The following PARP4 variants were observed in gnomAD, a reference collection of about 807,000 sequenced individuals.
The protein encoded by PARP4 is poly(ADP-ribose) polymerase family member 4, also known as protein mono-ADP-ribosyltransferase PARP4.
In PARP4, 120 loss-of-function variants were observed where a neutral mutation model predicts 187.7. That is an observed-to-expected ratio of 0.64 (90% CI 0.55 to 0.74). The LOEUF is 0.74. PARP4 is among the 30% of genes least tolerant of loss of function. The pLI is 0.00. For synonymous variants in PARP4, 654 were observed against 740.9 expected (o/e 0.88, Z 1.90); for missense variants, 1,836 against 2,070.5 (o/e 0.89, Z 2.20).
At chr13:24,470,318 G>A (rs1255270655) in intron 15 of PARP4, among the ~76,000 whole-genome samples, 3 of 152,178 alleles carry the variant, frequency 2.0e-5, no homozygotes, top group African/African-American at 7.2e-5. Context: ...TAAGACAGCT[G>A]GAAAATTGCC....
intron 1 of PARP4, among the ~76,000 whole-genome samples, chr13:24,506,311 A>G (rs1869669658): frequency 6.6e-6 from 1 of 152,118 alleles, no homozygotes; most frequent in African/African-American, 2.4e-5. Context: ...GACCTCCGCG[A>G]TTTAAAGGCA....
At chr13:24,452,627 T>C in intron 23 of PARP4, 34 bp from the exon 24 acceptor site, 1 of 1,553,156 alleles carries the variant, frequency 6.4e-7, no homozygotes, top group South Asian at 1.2e-5. Context: ...TATGTTCTCC[T>C]TGTTGGATGC....
intron 21 of PARP4, among the ~76,000 whole-genome samples, chr13:24,455,498 T>C (rs1207158560): frequency 2.1e-5 from 3 of 139,948 alleles, no homozygotes; most frequent in Non-Finnish European, 3.1e-5. Context: ...TATATATATA[T>C]ATATATATCA....
At chr13:24,471,434 C>T (rs9551108) in intron 15 of PARP4, among the ~76,000 whole-genome samples, 77,392 of 151,938 alleles carry the variant, frequency 0.51, 20,023 homozygotes, top group South Asian at 0.65. Context: ...TAGATAACGA[C>T]AATAAAAGTA....
At chr13:24,475,678 G>A in intron 14 of PARP4, 82 bp from the exon 15 acceptor site, 2 of 1,295,610 alleles carry the variant, frequency 1.5e-6, no homozygotes, top group East Asian at 2.4e-5. Context: ...CCTTCTTCAA[G>A]CCTTCATGCA....
In PARP4 at chr13:24,493,592, T is replaced by C. The variant is rs928477915; in HGVS notation, c.879+4A>G. The C allele has an allele frequency of 5.6e-6, 9 of 1,597,308 alleles. No homozygotes were observed. Among genetic ancestry groups the C allele is most frequent in the Non-Finnish European group, 7.7e-6 (9 of 1,175,704 alleles). On this transcript the variant is annotated splice_donor_region_variant and intron_variant, in intron 8 of 33. Coordinates refer to ENST00000381989, the MANE Select transcript of PARP4 (RefSeq NM_006437.4). ...CATTCTGTTTCAGCGACACACCAACTTACATCGTTGAGGCTAATCCTGTTC... is the reference window on the plus strand; with the variant it reads ...CATTCTGTTTCAGCGACACACCAACCTACATCGTTGAGGCTAATCCTGTTC...
chr13:24,501,917 TAGAA>T (rs1869317229), intron 2 of PARP4, 83 bp from the exon 3 acceptor site: 1 of 843,806 alleles, frequency 1.2e-6, no homozygotes, highest in Non-Finnish European at 1.9e-6. Flanking sequence ...TTTTCACCCT[TAGAA>T]AGTATTAAGG....
intron 11 of PARP4, among the ~76,000 whole-genome samples, chr13:24,485,546 G>A (rs1169850637): frequency 6.6e-6 from 1 of 151,884 alleles, no homozygotes; most frequent in African/African-American, 2.4e-5. Flanking sequence ...TTCTTTTTAA[G>A]TTTCTTCTGA....
intron 21 of PARP4, 37 bp from the exon 22 acceptor site, chr13:24,455,249 T>C: frequency 5.4e-6 from 8 of 1,487,818 alleles, no homozygotes; most frequent in Non-Finnish European, 7.3e-6. Context: ...TGGAGCTTCT[T>C]GTCACTTCAA....
intron 4 of PARP4, 51 bp downstream of exon 4, chr13:24,500,265 A>G: frequency 9.3e-7 from 1 of 1,080,684 alleles, no homozygotes; most frequent in Non-Finnish European, 1.4e-6. Context: ...AGGTTTACAC[A>G]AGATTTTACA....
At chr13:24,429,708 T>C (rs1226223516) in intron 32 of PARP4, among the ~76,000 whole-genome samples, 1 of 152,220 alleles carries the variant, frequency 6.6e-6, no homozygotes, top group Non-Finnish European at 1.5e-5. Context: ...GCTTCCCAGC[T>C]GTTGCTTTTT....
chr13:24,425,682 A>G (rs1870016781), intron 33 of PARP4, among the ~76,000 whole-genome samples: 1 of 151,802 alleles, frequency 6.6e-6, no homozygotes, highest in South Asian at 2.1e-4. Flanking sequence ...ACAAGAGAAT[A>G]TGCCCACCCC....
At chr13:24,481,239 C>A (rs1873262942) in intron 12 of PARP4, among the ~76,000 whole-genome samples, 1 of 152,230 alleles carries the variant, frequency 6.6e-6, no homozygotes. Context: ...AAAAAAGGTT[C>A]TTTTCAAAAT....
chr13:24,454,622 A>G (rs3783080), intron 22 of PARP4, among the ~76,000 whole-genome samples: 44,717 of 152,108 alleles, frequency 0.29, 7,669 homozygotes, highest in Admixed American at 0.42. Context: ...CAACAGACCA[A>G]GGGTTTTGTA....
intron 25 of PARP4, among the ~76,000 whole-genome samples, chr13:24,448,084 G>A (rs931914456): frequency 3.0e-4 from 45 of 151,922 alleles, no homozygotes; most frequent in Non-Finnish European, 6.0e-4. Context: ...GGTGGTGTGG[G>A]CCTGTTGTCC....
rs1210948307 is a variant in PARP4, at chr13:24,507,792, C to A, written c.-1-4015G>T. On this transcript the variant is annotated intron_variant, in intron 1 of 33. Coordinates refer to ENST00000381989, the MANE Select transcript of PARP4 (RefSeq NM_006437.4). ...GCTATCTCATTCCCTCCTGGCCACA[C>A]TGGCTTTTTCTAAAGGAGGAAGAAA... Among the ~76,000 whole-genome samples, 5 of 152,240 alleles carry A rather than the reference C, an allele frequency of 3.3e-5. No individual in the cohort carries two copies. The South Asian group carries it at 6.2e-4, about 19-fold the overall frequency.
intron 1 of PARP4, among the ~76,000 whole-genome samples, chr13:24,511,875 A>G (rs1870035676): frequency 6.6e-6 from 1 of 152,248 alleles, no homozygotes; most frequent in South Asian, 2.1e-4. Context: ...TAATGGGTTT[A>G]TTAAACCCTT....
At chr13:24,473,125 T>A (rs747625641) in intron 15 of PARP4, among the ~76,000 whole-genome samples, 1 of 152,126 alleles carries the variant, frequency 6.6e-6, no homozygotes, top group Non-Finnish European at 1.5e-5. Context: ...TTTCTCCATG[T>A]TCCCCAGGCT....
chr13:24,431,239 A>AGG (rs1870317565), intron 32 of PARP4, 138 bp downstream of exon 32: 3 of 554,914 alleles, frequency 5.4e-6, no homozygotes, highest in Admixed American at 3.9e-5. Context: ...TTTAATGGTT[A>AGG]AATATAATTC....
Sources: gnomAD v4.1 joint callset for allele counts (sites outside exome capture counted in the v4.1 genomes callset) on GRCh38, gnomAD v4.1.1 for gene constraint, MANE v1.5 for transcripts, NCBI Gene and HGNC (gene_info 2026-07-23, HGNC 2026-07-21) for gene names.